SEC31A: variants seen among roughly 807,000 people sequenced by gnomAD.
SEC31A encodes protein transport protein Sec31A.
SEC31A carries 70 observed loss-of-function variants against 151.0 expected under a neutral mutation model. That is an observed-to-expected ratio of 0.46 (90% CI 0.38 to 0.57). SEC31A has a LOEUF of 0.57. SEC31A is among the 20% of genes least tolerant of loss of function. SEC31A has a pLI of 0.00. For synonymous variants in SEC31A, 475 were observed against 505.9 expected (o/e 0.94, Z 0.82); for missense variants, 1,330 against 1,471.2 (o/e 0.90, Z 1.57).
chr4:82,852,639 T>C (rs973426585), intron 18 of SEC31A, among the ~76,000 whole-genome samples: 1 of 152,160 alleles, frequency 6.6e-6, no homozygotes, highest in Admixed American at 6.5e-5. Context: ...GTTGAGAAAA[T>C]CTCTTTCCAG....
chr4:82,888,859 C>T (rs1334551351), intron 1 of SEC31A, among the ~76,000 whole-genome samples: 1 of 152,122 alleles, frequency 6.6e-6, no homozygotes, highest in African/African-American at 2.4e-5. Context: ...CTAAAACCCA[C>T]CAGCACTGTT....
At position 82,842,404 on chromosome 4, in the gene SEC31A, G is replaced by C. The variant is rs745847286; in HGVS notation, c.2704C>G (p.Pro902Ala). ...MYRPQQPVAP[P>A]TSNAYPNTPY... ...GTGTTAGGGTAAGCGTTTGAAGTAGGAGGAGCAACAGGCTGCTGAGGTCGA... is the reference window on the plus strand; with the variant it reads ...GTGTTAGGGTAAGCGTTTGAAGTAGCAGGAGCAACAGGCTGCTGAGGTCGA... The change falls in exon 22 of 27, where the codon CCT becomes GCT. Residue 902 changes from proline (P) to alanine (A), a missense_variant. Coordinates refer to ENST00000395310, the MANE Select transcript of SEC31A (RefSeq NM_001077207.4). 3 of 1,614,018 alleles carry C rather than the reference G, an allele frequency of 1.9e-6. No homozygotes were observed. In the South Asian group the frequency reaches 3.3e-5, roughly 18 times the overall value.
intron 10 of SEC31A, among the ~76,000 whole-genome samples, chr4:82,865,581 T>TATATATATAC (rs1553932978): frequency 2.1e-5 from 2 of 96,452 alleles, no homozygotes; most frequent in Non-Finnish European, 4.6e-5. Flanking sequence ...TATATATATA[T>TATATATATAC]ATACAATGCA....
At chr4:82,893,426 A>C (rs1560684750), upstream of SEC31A, 1 of 152,238 alleles carries the variant, frequency 6.6e-6, no homozygotes, top group Non-Finnish European at 1.5e-5. Flanking sequence ...TGATGTCTGC[A>C]AAGAGTGAAG....
chr4:82,883,013 G>C (rs1003290486), intron 1 of SEC31A, among the ~76,000 whole-genome samples: 1 of 152,156 alleles, frequency 6.6e-6, no homozygotes, highest in Non-Finnish European at 1.5e-5. Flanking sequence ...CCAGCTATTT[G>C]GGAGGCTGAA....
intron 25 of SEC31A, among the ~76,000 whole-genome samples, chr4:82,822,743 G>A (rs1254622755): frequency 1.3e-5 from 2 of 152,204 alleles, no homozygotes; most frequent in Non-Finnish European, 2.9e-5. Context: ...AGAGGCCGAG[G>A]TGGGCGGATC....
At chr4:82,861,852 G>A (rs1336637642) in intron 13 of SEC31A, 144 bp from the exon 14 acceptor site, 11 of 301,330 alleles carry the variant, frequency 3.7e-5, no homozygotes, top group South Asian at 1.3e-4. Flanking sequence ...ATTTATTTGA[G>A]AAATACCATT....
intron 22 of SEC31A, among the ~76,000 whole-genome samples, chr4:82,836,425 T>TA (rs1471445325): frequency 1.4e-5 from 2 of 146,272 alleles, no homozygotes; most frequent in Non-Finnish European, 3.0e-5. Flanking sequence ...CTCAAACAGA[T>TA]ATTTGCACAT....
At chr4:82,847,608 C>T (rs1041251843) in intron 20 of SEC31A, among the ~76,000 whole-genome samples, 3 of 152,056 alleles carry the variant, frequency 2.0e-5, no homozygotes, top group African/African-American at 7.2e-5. Flanking sequence ...CCATGCAACG[C>T]TGAGAAATTC....
chr4:82,866,385 C>G (rs978307959), intron 10 of SEC31A, among the ~76,000 whole-genome samples: 1 of 152,036 alleles, frequency 6.6e-6, no homozygotes, highest in Non-Finnish European at 1.5e-5. Context: ...GCAGGAGAAT[C>G]GCTTGAACCA....
At chr4:82,887,561 C>T (rs1741025710) in intron 1 of SEC31A, among the ~76,000 whole-genome samples, 2 of 152,220 alleles carry the variant, frequency 1.3e-5, no homozygotes, top group Admixed American at 1.3e-4. Flanking sequence ...TGACTTTAAT[C>T]ATGTCGCTTT....
intron 10 of SEC31A, 41 bp downstream of exon 10, chr4:82,866,767 G>A: frequency 6.5e-7 from 1 of 1,543,794 alleles, no homozygotes; most frequent in East Asian, 2.3e-5. Flanking sequence ...GGTATAAAAA[G>A]TCCTTTGTGC....
chr4:82,839,310 C>G (rs552285863), intron 22 of SEC31A, among the ~76,000 whole-genome samples: 1 of 152,342 alleles, frequency 6.6e-6, no homozygotes, highest in African/African-American at 2.4e-5. Flanking sequence ...ACCACCACGC[C>G]TGGCTAATTT....
chr4:82,819,293 G>A, intron 26 of SEC31A, 40 bp from the exon 27 acceptor site: 2 of 1,461,646 alleles, frequency 1.4e-6, no homozygotes, highest in Non-Finnish European at 1.8e-6. Flanking sequence ...TTAAATTAAG[G>A]GATAACTTCC....
At chr4:82,838,005 A>T (rs1727848121) in intron 22 of SEC31A, among the ~76,000 whole-genome samples, 3 of 152,228 alleles carry the variant, frequency 2.0e-5, no homozygotes, top group South Asian at 4.1e-4. Flanking sequence ...CTATAAGCCT[A>T]GCATGTCACA....
rs779866484 is a variant in SEC31A at position 82,827,421 on chromosome 4, G to A, written c.3239C>T (p.Ser1080Leu). Reference sequence around the variant, plus strand: ...TGGGGCACCTTCAATATTGGGCTTTGAAAAAGATGGTGGCATGCCTGTTTG... The same window carrying A: ...TGGGGCACCTTCAATATTGGGCTTTAAAAAAGATGGTGGCATGCCTGTTTG... The part of the protein sequence containing the change: ...LGQTGMPPSF[S>L]KPNIEGAPGA... Residue 1080 changes from serine to leucine, a missense_variant, in exon 24 of 27, where the codon TCA becomes TTA. By Grantham distance (145) the Ser-to-Leu change is moderately radical. Coordinates refer to ENST00000395310, the MANE Select transcript of SEC31A (RefSeq NM_001077207.4). 2 of 1,614,192 alleles carry A rather than the reference G, an allele frequency of 1.2e-6. No homozygotes were observed. The highest frequency in any genetic ancestry group is 8.5e-7 in the Non-Finnish European group (1 of 1,180,026).
chr4:82,880,605 A>T, intron 3 of SEC31A, 194 bp downstream of exon 3: 1 of 467,030 alleles, frequency 2.1e-6, no homozygotes, highest in South Asian at 4.2e-5. Flanking sequence ...AAAAAAGAAA[A>T]AAAAAAGTCA....
intron 11 of SEC31A, 43 bp downstream of exon 11, chr4:82,864,319 T>C: frequency 7.6e-7 from 1 of 1,314,942 alleles, no homozygotes; most frequent in Non-Finnish European, 1.1e-6. Flanking sequence ...AACAGTTAAA[T>C]TTGCAGATAA....
intron 1 of SEC31A, among the ~76,000 whole-genome samples, chr4:82,885,466 C>T (rs1387005819): frequency 6.6e-6 from 1 of 152,008 alleles, no homozygotes; most frequent in African/African-American, 2.4e-5. Context: ...TTACTTAATA[C>T]CATTAATCCT....
Sources: gnomAD v4.1 joint callset for allele counts (sites outside exome capture counted in the v4.1 genomes callset) on GRCh38, gnomAD v4.1.1 for gene constraint, MANE v1.5 for transcripts, NCBI Gene and HGNC (gene_info 2026-07-23, HGNC 2026-07-21) for gene names.